HECW1: variants seen among roughly 807,000 people sequenced by gnomAD.
HECW1 encodes E3 ubiquitin-protein ligase HECW1.
In HECW1, 61 loss-of-function variants were observed where a neutral mutation model predicts 182.3. The ratio of observed to expected loss-of-function variants is 0.33; its 90% CI spans 0.27 to 0.41. The LOEUF is 0.41. HECW1 is among the 10% of genes least tolerant of loss of function. The probability of loss-of-function intolerance (pLI) is 1.00; values close to 1 mark genes in which losing one functional copy is unlikely to be tolerated. For missense variants in HECW1, 1,739 were observed against 2,108.9 expected (o/e 0.82, Z 3.44); for synonymous variants, 859 against 832.6 (o/e 1.03, Z -0.55).
At chr7:43,234,006 A>T (rs763289836) in intron 2 of HECW1, among the ~76,000 whole-genome samples, 21 of 152,254 alleles carry the variant, frequency 1.4e-4, no homozygotes, top group Non-Finnish European at 2.6e-4. Context: ...AGGTAGCGAG[A>T]TGAGCAGGTG....
rs147988758 is a variant in HECW1 at position 43,510,591 on chromosome 7, G to A, written c.4019+1470G>A. Among the ~76,000 whole-genome samples, 592 of 152,190 alleles carry A rather than the reference G, an allele frequency of 3.9e-3. 6 individuals are homozygous for A. Among genetic ancestry groups the A allele is most frequent in the African/African-American group, 0.013 (523 of 41,524 alleles). ...CAATAGCTTAAATGCTCACTTATAC[G>A]CACATATACATATGTGGGCATATGT... On this transcript the variant is annotated intron_variant, in intron 24 of 29. Coordinates refer to ENST00000395891, the MANE Select transcript of HECW1 (RefSeq NM_015052.5).
chr7:43,326,172 C>T lies in HECW1; in HGVS notation c.460+5430C>T, dbSNP rs565978189. Among the ~76,000 whole-genome samples, 25 of 152,312 alleles carry T rather than the reference C, an allele frequency of 1.6e-4. No homozygotes were observed. In the South Asian group the frequency reaches 4.6e-3, roughly 28 times the overall value. ...TGGGGTGCCCCTTCAACCTCTCTTA[C>T]AAGGGCATTAATCCCATTTAAATCA... On this transcript the variant is annotated intron_variant, in intron 5 of 29. Transcript: ENST00000395891.
chr7:43,116,962 A>G (rs1358719150), intron 2 of HECW1, among the ~76,000 whole-genome samples: 1 of 152,226 alleles, frequency 6.6e-6, no homozygotes, highest in Non-Finnish European at 1.5e-5. Context: ...TAATTTGGCA[A>G]TATGTAGAGA....
chr7:43,446,844 G>A (rs2077074106), intron 11 of HECW1, among the ~76,000 whole-genome samples: 1 of 152,230 alleles, frequency 6.6e-6, no homozygotes, highest in African/African-American at 2.4e-5. Flanking sequence ...TCCCTCCTGT[G>A]AGTAGAAGGG....
chr7:43,234,821 A>G (rs1798177346), intron 2 of HECW1, among the ~76,000 whole-genome samples: 1 of 152,190 alleles, frequency 6.6e-6, no homozygotes, highest in Non-Finnish European at 1.5e-5. Flanking sequence ...AGTGCCTGGT[A>G]TGAAGTTGGC....
chr7:43,261,059 T>C (rs1801116013), intron 3 of HECW1, among the ~76,000 whole-genome samples: 1 of 152,150 alleles, frequency 6.6e-6, no homozygotes, highest in South Asian at 2.1e-4. Context: ...GAAGTAGGAT[T>C]GGAACCCAGA....
At chr7:43,502,399 G>A (rs552825563) in intron 21 of HECW1, among the ~76,000 whole-genome samples, 23 of 152,256 alleles carry the variant, frequency 1.5e-4, no homozygotes, top group African/African-American at 4.3e-4. Context: ...GCTAACCCGC[G>A]TAATCCCAGC....
chr7:43,246,504 GT>G (rs1378098312), intron 3 of HECW1, among the ~76,000 whole-genome samples: 1 of 152,178 alleles, frequency 6.6e-6, no homozygotes, highest in African/African-American at 2.4e-5. Flanking sequence ...AGCCTGTGTA[GT>G]TGCACACTGA....
chr7:43,501,286 C>A lies in HECW1; in HGVS notation c.3595C>A (p.Arg1199=). The A allele has an allele frequency of 6.2e-7, 1 of 1,610,490 alleles. No homozygotes were observed. Among genetic ancestry groups the A allele is most frequent in the Non-Finnish European group, 8.5e-7 (1 of 1,177,586 alleles). ...CCACCCTGGGTATAGCTTCTCTCCC[C>A]GATGTTCACCCTGTTCTTCACCTCA... ...AFHPGYSFSP[R]CSPCSSPQNS... The change falls in exon 21 of 30, where the codon CGA becomes AGA. Residue 1199 remains arginine, a synonymous_variant. Transcript: ENST00000395891.
At chr7:43,453,648 A>T (rs1339098095) in intron 12 of HECW1, among the ~76,000 whole-genome samples, 1 of 152,246 alleles carries the variant, frequency 6.6e-6, no homozygotes, top group East Asian at 1.9e-4. Flanking sequence ...ATAATAACTA[A>T]ATATGATACA....
At chr7:43,561,246 C>A (rs1479795506) in intron 29 of HECW1, among the ~76,000 whole-genome samples, 1 of 152,210 alleles carries the variant, frequency 6.6e-6, no homozygotes, top group Admixed American at 6.5e-5. Context: ...AGGACTGGCT[C>A]ACACGGGCAG....
intron 2 of HECW1, among the ~76,000 whole-genome samples, chr7:43,232,685 T>G (rs1185682768): frequency 6.6e-6 from 1 of 152,178 alleles, no homozygotes; most frequent in Admixed American, 6.5e-5. Flanking sequence ...TAAAACTTCT[T>G]GCTTACAGTG....
At position 43,479,632 on chromosome 7, in the gene HECW1, G is replaced by T. The variant is rs781413232; in HGVS notation, c.3122G>T (p.Ser1041Ile). ...CAGTCTTTTTTCGTGGACCACAACAGTCGAGCTACCACTTTCATTGACCCC... is the reference window on the plus strand; with the variant it reads ...CAGTCTTTTTTCGTGGACCACAACATTCGAGCTACCACTTTCATTGACCCC... The part of the protein sequence containing the change: ...QGKSFFVDHN[S>I]RATTFIDPRI... The change falls in exon 17 of 30, where the codon AGT becomes ATT. Residue 1041 changes from serine (S) to isoleucine (I), a missense_variant. Physicochemically the swap from Ser to Ile is moderately radical, Grantham distance 142. This residue lies in a region of HECW1 where 971 missense variants were observed against 1,029.1 expected (regional missense o/e 0.94). Coordinates refer to ENST00000395891, the MANE Select transcript of HECW1 (RefSeq NM_015052.5). 1.4e-5 allele frequency: 23 copies of T among 1,613,986 alleles called. No homozygotes were observed. The highest frequency in any genetic ancestry group is 1.7e-5 in the Non-Finnish European group (20 of 1,180,026).
chr7:43,168,309 G>T (rs1195852911), intron 2 of HECW1, among the ~76,000 whole-genome samples: 2 of 152,140 alleles, frequency 1.3e-5, no homozygotes, highest in South Asian at 4.1e-4. Flanking sequence ...CTATTATACA[G>T]TATGTGGTGT....
chr7:43,203,834 C>A (rs1795224777), intron 2 of HECW1, among the ~76,000 whole-genome samples: 1 of 152,138 alleles, frequency 6.6e-6, no homozygotes, highest in Non-Finnish European at 1.5e-5. Flanking sequence ...TTTAATGTTA[C>A]AATCCTTTTG....
chr7:43,345,851 CATA>C (rs1206238753), intron 5 of HECW1, among the ~76,000 whole-genome samples: 1 of 150,842 alleles, frequency 6.6e-6, no homozygotes, highest in South Asian at 2.1e-4. Flanking sequence ...ACACACACAT[CATA>C]TATATATATA....
At chr7:43,190,221 C>T (rs1793783986) in intron 2 of HECW1, among the ~76,000 whole-genome samples, 1 of 152,164 alleles carries the variant, frequency 6.6e-6, no homozygotes, top group African/African-American at 2.4e-5. Context: ...TCAAGTGATT[C>T]TCCTGCCTCA....
At chr7:43,246,420 A>G in intron 3 of HECW1, among the ~76,000 whole-genome samples, 1 of 152,250 alleles carries the variant, frequency 6.6e-6, no homozygotes, top group East Asian at 1.9e-4. Flanking sequence ...CATACAAGGA[A>G]GAATTTTATG....
intron 24 of HECW1, among the ~76,000 whole-genome samples, chr7:43,514,094 A>G (rs2080014248): frequency 2.0e-5 from 3 of 152,184 alleles, no homozygotes; most frequent in African/African-American, 7.2e-5. Context: ...GCCAGTCCCT[A>G]AGTCACAGAG....
Sources: gnomAD v4.1 joint callset for allele counts (sites outside exome capture counted in the v4.1 genomes callset) on GRCh38, gnomAD v4.1.1 for gene constraint, gnomAD v4.1.1 regional missense constraint, MANE v1.5 for transcripts, NCBI Gene and HGNC (gene_info 2026-07-23, HGNC 2026-07-21) for gene names.